Variants in ATG2B observed in about 807,000 individuals in gnomAD.
The protein encoded by ATG2B is autophagy-related protein 2 homolog B.
A neutral mutation model predicts 241.3 loss-of-function variants in ATG2B; 121 were observed. That is an observed-to-expected ratio of 0.50 (90% CI 0.43 to 0.58). The LOEUF (loss-of-function observed/expected upper bound fraction) is 0.58, where lower values mean the gene tolerates loss of function less well. Ranked by LOEUF, ATG2B falls within the 20% of genes least tolerant of loss-of-function variation. The probability of loss-of-function intolerance (pLI) is 0.00; values close to 1 mark genes in which losing one functional copy is unlikely to be tolerated. For missense variants in ATG2B, 2,306 were observed against 2,491.6 expected, an observed-to-expected ratio of 0.93 and a Z score of 1.59; for synonymous variants, 858 against 876.6, an observed-to-expected ratio of 0.98 and a Z score of 0.37.
chr14:96,313,396 C>T lies in ATG2B; in HGVS notation c.3682G>A (p.Gly1228Arg). ...FLNIADEPVL[G>R]YNPPTSFTTF... is the part of the protein sequence containing the mutation. Reference sequence around the variant, plus strand: ...GTAAATGAAGTTGGAGGATTATATCCCAAAACAGGTTCATCAGCAATATTC... The same window carrying T: ...GTAAATGAAGTTGGAGGATTATATCTCAAAACAGGTTCATCAGCAATATTC... The change falls in exon 24 of 42, where the codon GGA becomes AGA. Residue 1228 changes from glycine (G) to arginine (R), a missense_variant. Physicochemically the swap from Gly to Arg is moderately radical, Grantham distance 125. Coordinates refer to ENST00000359933, the MANE Select transcript of ATG2B (RefSeq NM_018036.7). 1.3e-6 allele frequency: 2 copies of T among 1,593,250 alleles called. No individual in the cohort carries two copies. The highest frequency in any genetic ancestry group is 2.2e-5 in the East Asian group (1 of 44,586).
intron 26 of ATG2B, 35 bp downstream of exon 26, chr14:96,312,054 G>C: frequency 2.0e-6 from 3 of 1,505,342 alleles, no homozygotes; most frequent in Non-Finnish European, 1.8e-6. Flanking sequence ...AAATAAAGCA[G>C]AATTTATCTA....
chr14:96,304,696 G>A, intron 31 of ATG2B, 93 bp from the exon 32 acceptor site: 1 of 986,360 alleles, frequency 1.0e-6, no homozygotes. Flanking sequence ...TAAGATGAAA[G>A]ACAAAGTAAG....
chr14:96,345,665 A>G lies in ATG2B; in HGVS notation c.326-280T>C, dbSNP rs909515293. Among the ~76,000 whole-genome samples, 5 of 152,196 alleles carry G rather than the reference A, an allele frequency of 3.3e-5. No individual in the cohort carries two copies. The South Asian group carries it at 8.3e-4, about 25-fold the overall frequency. On this transcript the variant is annotated intron_variant, in intron 2 of 41. Transcript: ENST00000359933. Reference sequence around the variant, plus strand: ...ATATCAATTCATGTATTCATTCAACAAATACTTAATGGATATCCTACAGAT... The same window carrying G: ...ATATCAATTCATGTATTCATTCAACGAATACTTAATGGATATCCTACAGAT...
chr14:96,303,852 G>C (rs1192535821), intron 32 of ATG2B, among the ~76,000 whole-genome samples: 1 of 152,138 alleles, frequency 6.6e-6, no homozygotes, highest in Non-Finnish European at 1.5e-5. Context: ...ATAGGAATAA[G>C]ACATAAAATT....
In ATG2B at chr14:96,322,042, G is replaced by C. The variant is rs910939170; in HGVS notation, c.2879+70C>G. 3 of 1,165,184 alleles carry C rather than the reference G, an allele frequency of 2.6e-6. No homozygotes were observed. In the South Asian group the frequency reaches 5.1e-5, roughly 20 times the overall value. The allele number at this position is 1,165,184 out of a possible 1,614,324, so 72.2% of individuals were successfully genotyped here. ...TATTCAGGCAAGGAAAGGAAAGGGG[G>C]AAGAGGAAAATCAGGGAGGCAATTA... On this transcript the variant is annotated intron_variant, in intron 18 of 41. Coordinates refer to ENST00000359933, the MANE Select transcript of ATG2B (RefSeq NM_018036.7).
In ATG2B at chr14:96,305,793, A is replaced by G; in HGVS notation, c.4529T>C (p.Ile1510Thr). ...AMQEKEEEPV[I>T]KIMVDDAIVI... ...AATTGCATCATCAACCATGATTTTT[A>G]TAACTGGTTCTTCTTCCTTCTCCTA... Residue 1510 changes from isoleucine to threonine, a missense_variant, in exon 31 of 42, where the codon ATA (isoleucine) becomes ACA (threonine). Ile to Thr is a moderately conservative substitution (Grantham distance 89, BLOSUM62 -1). This residue lies in a region of ATG2B where 1,927 missense variants were observed against 2,011.2 expected (regional missense o/e 0.96). Coordinates refer to ENST00000359933, the MANE Select transcript of ATG2B (RefSeq NM_018036.7). 1 of 1,614,170 alleles carries G rather than the reference A, an allele frequency of 6.2e-7. No homozygotes were observed. Among genetic ancestry groups the G allele is most frequent in the Non-Finnish European group, 8.5e-7 (1 of 1,179,982 alleles).
At chr14:96,313,458 C>T (rs767065230) in intron 23 of ATG2B, 23 bp from the exon 24 acceptor site, 19 of 1,327,914 alleles carry the variant, frequency 1.4e-5, no homozygotes, top group East Asian at 4.7e-5. Context: ...AAAATTAAAA[C>T]GCCCTGCTTT....
intron 4 of ATG2B, among the ~76,000 whole-genome samples, chr14:96,343,991 C>T (rs1278147748): frequency 6.6e-6 from 1 of 152,220 alleles, no homozygotes; most frequent in African/African-American, 2.4e-5. Flanking sequence ...ATGCAGTGTA[C>T]ACGCTTCATC....
intron 33 of ATG2B, 24 bp downstream of exon 33, chr14:96,303,037 C>A: frequency 6.9e-7 from 1 of 1,447,376 alleles, no homozygotes; most frequent in Non-Finnish European, 9.2e-7. Flanking sequence ...ACTAACATAA[C>A]ACAACGATGA....
chr14:96,287,379 A>G (rs1294786398), intron 41 of ATG2B, among the ~76,000 whole-genome samples: 1 of 152,074 alleles, frequency 6.6e-6, no homozygotes, highest in African/African-American at 2.4e-5. Flanking sequence ...TACAACTTGT[A>G]CATTTCCCTG....
chr14:96,329,217 C>A (rs1485114161), intron 12 of ATG2B, among the ~76,000 whole-genome samples: 1 of 152,132 alleles, frequency 6.6e-6, no homozygotes, highest in African/African-American at 2.4e-5. Flanking sequence ...GTGCTTTGAA[C>A]ATGAGTGAAA....
rs1886136457 is a variant in ATG2B at position 96,279,405 on chromosome 14, T to TCATA, written c.*6349_*6350insTATG. The TCATA allele has an allele frequency of 1.7e-4, 1 of 5,846 alleles. No homozygotes were observed. Among genetic ancestry groups the TCATA allele is most frequent in the Non-Finnish European group, 2.9e-4 (1 of 3,414 alleles). The allele number at this position is 5,846 out of a possible 1,614,324, so 0.4% of individuals were successfully genotyped here. A position where few individuals can be genotyped will look rare whatever the true frequency, so the allele number is the denominator to read the frequency against. On this transcript the variant is annotated 3_prime_UTR_variant, in exon 42 of 42. Coordinates refer to ENST00000359933, the MANE Select transcript of ATG2B (RefSeq NM_018036.7). ...TAGATGACCACTCGGGTTCACTCAC[T>TCATA]CATTCATTCATTCATTCACTCATTC... is the stretch of plus-strand genomic sequence containing the variant.
intron 5 of ATG2B, 118 bp downstream of exon 5, chr14:96,343,001 A>C (rs953149650): frequency 1.5e-6 from 1 of 679,724 alleles, no homozygotes; most frequent in Non-Finnish European, 2.3e-6. Flanking sequence ...ATTTGCATTA[A>C]ATCTCAAGAC....
At chr14:96,291,326 A>G (rs968596088) in intron 38 of ATG2B, among the ~76,000 whole-genome samples, 1 of 152,182 alleles carries the variant, frequency 6.6e-6, no homozygotes, top group Admixed American at 6.5e-5. Context: ...AGAACTTCCA[A>G]TCTTTTCACT....
At chr14:96,295,209 C>T (rs1205886807) in intron 35 of ATG2B, 42 bp from the exon 36 acceptor site, 11 of 1,490,144 alleles carry the variant, frequency 7.4e-6, no homozygotes, top group Non-Finnish European at 9.3e-6. Context: ...AGATATGCTT[C>T]TTCTTAGCAA....
In ATG2B at chr14:96,334,496, A is replaced by G; in HGVS notation, c.930T>C (p.Asp310=). 1 of 1,586,394 alleles carries G rather than the reference A, an allele frequency of 6.3e-7. No individual in the cohort carries two copies. Among genetic ancestry groups the G allele is most frequent in the Non-Finnish European group, 8.6e-7 (1 of 1,167,184 alleles). ...QNEVLPGAKL[D]VDGQIDSIHL... ...GAATAGAGTCTATCTGTCCATCAAC[A>G]TCCAACTTAAGGGAAAAAAAAAAAC... Residue 310 remains aspartate, a synonymous_variant, in exon 7 of 42, where the codon GAT becomes GAC. Transcript: ENST00000359933.
In ATG2B at chr14:96,285,788, G is replaced by C. The variant is rs142197311; in HGVS notation, c.6204C>G (p.Asp2068Glu). The change falls in exon 42 of 42, where the codon GAC becomes GAG. Residue 2068 changes from aspartate (D) to glutamate (E), a missense_variant. This residue lies in a region of ATG2B where 379 missense variants were observed against 480.4 expected (regional missense o/e 0.79). Transcript: ENST00000359933. This position sits in a 1 kb window ranked among gnomAD's most constrained non-coding sequence, Gnocchi z 4.2. ...RNQIRPDVRQ[D>E]ESQKWRHGDD ...CCCCGTGGCGCCATTTCTGTGACTC[G>C]TCTTGCCGGACATCTGGCCTAATTT... is the stretch of plus-strand genomic sequence containing the variant. 2 of 1,613,960 alleles carry C rather than the reference G, an allele frequency of 1.2e-6. No homozygotes were observed. Among genetic ancestry groups the C allele is most frequent in the South Asian group, 1.1e-5 (1 of 91,068 alleles).
intron 14 of ATG2B, among the ~76,000 whole-genome samples, chr14:96,326,397 A>C: frequency 6.6e-6 from 1 of 152,162 alleles, no homozygotes; most frequent in East Asian, 1.9e-4. Context: ...TTGTACTTCT[A>C]AGATAAAACC....
intron 29 of ATG2B, among the ~76,000 whole-genome samples, chr14:96,308,282 A>G (rs368517381): frequency 1.1e-4 from 4 of 37,006 alleles, no homozygotes; most frequent in African/African-American, 2.1e-4. Context: ...ATATATATAT[A>G]TTTTTTTTTT....
Sources: allele counts gnomAD v4.1 joint callset (sites outside exome capture counted in the v4.1 genomes callset), GRCh38; gene constraint gnomAD v4.1.1; regional missense constraint gnomAD v4.1.1; non-coding constraint Gnocchi (gnomAD v3.1); transcripts MANE v1.5; gene names NCBI Gene and HGNC (gene_info 2026-07-23, HGNC 2026-07-21).